The following IGLON5 variants were observed in gnomAD, a reference collection of about 807,000 sequenced individuals.
The protein encoded by IGLON5 is Ig-like domain-containing protein ENSP00000270642.
Under a neutral mutation model 38.2 loss-of-function variants are expected in IGLON5, and 16 were observed. The ratio of observed to expected loss-of-function variants is 0.42; its 90% CI spans 0.28 to 0.64. The LOEUF (loss-of-function observed/expected upper bound fraction) is 0.64, where lower values mean the gene tolerates loss of function less well. Ranked by LOEUF, IGLON5 falls within the 30% of genes least tolerant of loss-of-function variation. The probability of loss-of-function intolerance (pLI) is 0.23; values close to 1 mark genes in which losing one functional copy is unlikely to be tolerated. For missense variants in IGLON5, 366 were observed against 483.4 expected (o/e 0.76, Z 2.28); for synonymous variants, 207 against 216.4 (o/e 0.96, Z 0.38).
chr19:51,319,868 G>A (rs915305804), intron 1 of IGLON5, among the ~76,000 whole-genome samples: 6 of 151,940 alleles, frequency 3.9e-5, no homozygotes, highest in Non-Finnish European at 8.8e-5. Flanking sequence ...GTTTGTATGC[G>A]TGTGATTGTA....
chr19:51,317,230 C>T (rs1049297437), intron 1 of IGLON5, among the ~76,000 whole-genome samples: 5 of 152,164 alleles, frequency 3.3e-5, no homozygotes, highest in Non-Finnish European at 1.5e-5. Flanking sequence ...AACAAGTGAG[C>T]CCTCTGATCA....
At chr19:51,323,531 C>A (rs944315435) in intron 2 of IGLON5, 131 bp from the exon 3 acceptor site, 14 of 721,002 alleles carry the variant, frequency 1.9e-5, no homozygotes, top group Non-Finnish European at 3.0e-5. Flanking sequence ...GTGGGCACAG[C>A]AGCATCCGCC....
intron 1 of IGLON5, among the ~76,000 whole-genome samples, chr19:51,316,574 A>G (rs1984932279): frequency 6.8e-6 from 1 of 147,012 alleles, no homozygotes; most frequent in South Asian, 2.2e-4. Flanking sequence ...GCTCACTGCA[A>G]CCTCCGCATC....
chr19:51,321,906 C>T (rs541009259), intron 1 of IGLON5, among the ~76,000 whole-genome samples, 158 bp from the exon 2 acceptor site: 25 of 152,358 alleles, frequency 1.6e-4, no homozygotes, highest in East Asian at 9.6e-4. Flanking sequence ...CGTCTGTGTC[C>T]GCAAGGACGT....
intron 1 of IGLON5, among the ~76,000 whole-genome samples, chr19:51,319,789 A>G (rs1297015490): frequency 6.6e-6 from 1 of 151,936 alleles, no homozygotes; most frequent in Non-Finnish European, 1.5e-5. Context: ...ATCACTGTAT[A>G]TACACACCTG....
At chr19:51,320,008 G>A (rs1356742605) in intron 1 of IGLON5, among the ~76,000 whole-genome samples, 5 of 150,154 alleles carry the variant, frequency 3.3e-5, no homozygotes, top group African/African-American at 5.0e-5. Flanking sequence ...AGAGGTCTCC[G>A]TGCCTTGTCC....
At position 51,311,857 on chromosome 19, in the gene IGLON5, C is replaced by A. The variant is rs754919683; in HGVS notation, c.10C>A (p.Pro4Thr). 211 of 1,321,356 alleles carry A rather than the reference C, an allele frequency of 1.6e-4. No homozygotes were observed. Among genetic ancestry groups the A allele is most frequent in the Middle Eastern group, 8.6e-4 (3 of 3,492 alleles). The allele number at this position is 1,321,356 out of a possible 1,614,324, so 81.9% of individuals were successfully genotyped here. ...CGCCGCCTCTGCCGCGATGCCCCCCCCTGCGCCCGGGGCCCGGCTCCGGCT... is the reference window on the plus strand; with the variant it reads ...CGCCGCCTCTGCCGCGATGCCCCCCACTGCGCCCGGGGCCCGGCTCCGGCT... The part of the protein sequence containing the change: MPP[P>T]APGARLRLLA... The change falls in exon 1 of 8, where the codon CCT (proline) becomes ACT (threonine). Residue 4 changes from proline (P) to threonine (T), a missense_variant. Coordinates refer to ENST00000270642, the MANE Select transcript of IGLON5 (RefSeq NM_001101372.3).
rs1379312130 is a variant in IGLON5, at chr19:51,330,157, GGA to G, written c.*1402_*1403del. ...ACCACCCAGAGTCTGGTGGAGAAAA[GGA>G]GAGGGCAAGGCGCAGTGACTGTACC... is the stretch of plus-strand genomic sequence containing the variant. On this transcript the variant is annotated 3_prime_UTR_variant, in exon 8 of 8. Transcript: ENST00000270642. 7.9e-5 allele frequency: 12 copies of G among 152,328 alleles called. No individual in the cohort carries two copies. Among genetic ancestry groups the G allele is most frequent in the African/African-American group, 2.9e-4 (12 of 41,460 alleles). 9.4% of individuals were successfully genotyped at this position (152,328 alleles called of 1,614,324 possible). A position where few individuals can be genotyped will look rare whatever the true frequency, so the allele number is the denominator to read the frequency against.
chr19:51,324,640 G>C lies in IGLON5; in HGVS notation c.392-706G>C, dbSNP rs993213545. 1.2e-4 allele frequency among the ~76,000 whole-genome samples: 19 copies of C among 152,108 alleles called. No homozygotes were observed. Among genetic ancestry groups the C allele is most frequent in the African/African-American group, 3.9e-4 (16 of 41,416 alleles). On this transcript the variant is annotated intron_variant, in intron 3 of 7. Coordinates refer to ENST00000270642, the MANE Select transcript of IGLON5 (RefSeq NM_001101372.3). This position sits in a 1 kb window ranked among gnomAD's most constrained non-coding sequence, Gnocchi z 4.2. ...GCCCGGGACTCCTTTGCAAAATGGG[G>C]ATGGTGCTGTCATATGTCAAATCCC...
At chr19:51,323,198 C>T (rs751584619) in intron 2 of IGLON5, among the ~76,000 whole-genome samples, 19 of 150,204 alleles carry the variant, frequency 1.3e-4, no homozygotes, top group Non-Finnish European at 2.4e-4. Context: ...CTCTCTCTCT[C>T]TTTCTCTCTC....
At position 51,329,620 on chromosome 19, in the gene IGLON5, T is replaced by G. The variant is rs1478538310; in HGVS notation, c.*861T>G. 1 of 152,180 alleles carries G rather than the reference T, an allele frequency of 6.6e-6. No homozygotes were observed. The highest frequency in any genetic ancestry group is 1.9e-4 in the East Asian group (1 of 5,180). 9.4% of individuals were successfully genotyped at this position (152,180 alleles called of 1,614,324 possible). ...GGAGTCACCTGTCTGTTTCAGTGCT[T>G]TGCCCTACCCTTGCCACCACTCCCC... On this transcript the variant is annotated 3_prime_UTR_variant, in exon 8 of 8. Coordinates refer to ENST00000270642, the MANE Select transcript of IGLON5 (RefSeq NM_001101372.3). The surrounding 1 kb of genome is among the most constrained non-coding windows in gnomAD (Gnocchi z 4.3).
At position 51,327,009 on chromosome 19, in the gene IGLON5, C is replaced by T; in HGVS notation, c.647-71C>T. 4 of 1,582,820 alleles carry T rather than the reference C, an allele frequency of 2.5e-6. No homozygotes were observed. Among genetic ancestry groups the T allele is most frequent in the African/African-American group, 1.4e-5 (1 of 74,050 alleles). ...GCGAGACTTACGGGCCTGAGGGAGGCGGGGGCTGGGGGCGGGACCCCTTCG... is the reference window on the plus strand; with the variant it reads ...GCGAGACTTACGGGCCTGAGGGAGGTGGGGGCTGGGGGCGGGACCCCTTCG... On this transcript the variant is annotated intron_variant, in intron 5 of 7. Coordinates refer to ENST00000270642, the MANE Select transcript of IGLON5 (RefSeq NM_001101372.3). This position sits in a 1 kb window ranked among gnomAD's most constrained non-coding sequence, Gnocchi z 7.1.
At position 51,315,204 on chromosome 19, in the gene IGLON5, C is replaced by T. The variant is rs548646868; in HGVS notation, c.79+3278C>T. ...AAACAATTCAACAAAATCAAATGGCCGCTTCTGCAGCAGCAAATGAGGTGG... is the reference window on the plus strand; with the variant it reads ...AAACAATTCAACAAAATCAAATGGCTGCTTCTGCAGCAGCAAATGAGGTGG... On this transcript the variant is annotated intron_variant, in intron 1 of 7. Coordinates refer to ENST00000270642, the MANE Select transcript of IGLON5 (RefSeq NM_001101372.3). Among the ~76,000 whole-genome samples the T allele has an allele frequency of 5.9e-5, 9 of 152,274 alleles. No homozygotes were observed. In the East Asian group the frequency reaches 1.4e-3, roughly 23 times the overall value.
intron 1 of IGLON5, among the ~76,000 whole-genome samples, chr19:51,320,055 G>A (rs1034844427): frequency 2.0e-5 from 3 of 152,086 alleles, no homozygotes; most frequent in East Asian, 1.9e-4. Context: ...GTGCACGCGC[G>A]TGCACGCGTG....
In IGLON5 at chr19:51,327,972, A is replaced by G; in HGVS notation, c.922+86A>G. 7.3e-7 allele frequency: 1 copy of G among 1,366,290 alleles called. No individual in the cohort carries two copies. The highest frequency in any genetic ancestry group is 9.6e-7 in the Non-Finnish European group (1 of 1,039,500). The allele number at this position is 1,366,290 out of a possible 1,614,324, so 84.6% of individuals were successfully genotyped here. A position where few individuals can be genotyped will look rare whatever the true frequency, so the allele number is the denominator to read the frequency against. On this transcript the variant is annotated intron_variant, in intron 7 of 7. Coordinates refer to ENST00000270642, the MANE Select transcript of IGLON5 (RefSeq NM_001101372.3). This position sits in a 1 kb window ranked among gnomAD's most constrained non-coding sequence, Gnocchi z 7.1. ...AGTGGAGACGCCGGGACCGCCCTTC[A>G]GGCTGGCCCTGAACTTAGGAGATGG...
At chr19:51,316,806 T>C (rs1984936895) in intron 1 of IGLON5, among the ~76,000 whole-genome samples, 1 of 151,972 alleles carries the variant, frequency 6.6e-6, no homozygotes, top group Non-Finnish European at 1.5e-5. Flanking sequence ...CCCTCAGAAC[T>C]CTGAGGTCAG....
intron 1 of IGLON5, among the ~76,000 whole-genome samples, chr19:51,320,956 T>G (rs10425676): frequency 0.57 from 85,923 of 151,620 alleles, 24,566 homozygotes; most frequent in Admixed American, 0.64. Context: ...GCGCTCATCT[T>G]TGCATAGGTA....
Position 51,326,794 on chromosome 19 carries a change from A to C in IGLON5, c.542A>C (p.Glu181Ala), listed in dbSNP as rs1985227602. The C allele has an allele frequency of 6.5e-7, 1 of 1,549,548 alleles. No individual in the cohort carries two copies. Among genetic ancestry groups the C allele is most frequent in the Non-Finnish European group, 8.7e-7 (1 of 1,146,612 alleles). ...DGFTSEGEIL[E>A]ISDIQRGQAG... ...TTCACCTCGGAGGGAGAGATCCTGG[A>C]GATCTCTGACATCCAGCGGGGCCAG... Residue 181 changes from glutamate (E) to alanine (A), a missense_variant, in exon 5 of 8, where the codon GAG becomes GCG. Physicochemically the swap from Glu to Ala is moderately radical, Grantham distance 107 (BLOSUM62 -1). Coordinates refer to ENST00000270642, the MANE Select transcript of IGLON5 (RefSeq NM_001101372.3).
intron 1 of IGLON5, among the ~76,000 whole-genome samples, chr19:51,313,637 C>CTCTCTCTTTTTCTTTCTTTCTT (rs1984828154): frequency 9.1e-6 from 1 of 110,152 alleles, no homozygotes. Flanking sequence ...CTTTTTCTCT[C>CTCTCTCTTTTTCTTTCTTTCTT]TCTCTCTCTT....
Sources: gnomAD v4.1 joint callset for allele counts (sites outside exome capture counted in the v4.1 genomes callset) on GRCh38, gnomAD v4.1.1 for gene constraint, Gnocchi (gnomAD v3.1) non-coding constraint, MANE v1.5 for transcripts, NCBI Gene and HGNC (gene_info 2026-07-23, HGNC 2026-07-21) for gene names.